The following ERC2 variants were observed in gnomAD, a reference collection of about 807,000 sequenced individuals.
ERC2 encodes ERC protein 2.
Under a neutral mutation model 114.8 loss-of-function variants are expected in ERC2, and 42 were observed. The observed-to-expected ratio is 0.37, with a 90% CI of 0.29 to 0.47. ERC2 has a LOEUF of 0.47. Among genes scored for constraint, ERC2 ranks in the 20% least tolerant of loss-of-function variants. ERC2 has a pLI of 0.99. For synonymous variants in ERC2, 454 were observed against 425.5 expected (o/e 1.07, Z -0.82); for missense variants, 939 against 1,150.7 (o/e 0.82, Z 2.66).
rs909299484 is a variant in ERC2, at chr3:56,212,739, GAT to G, written c.1075-39221_1075-39220del. Among the ~76,000 whole-genome samples the G allele has an allele frequency of 6.8e-5, 10 of 147,900 alleles. No homozygotes were observed. The Admixed American group carries it at 7.0e-4, about 10-fold the overall frequency. On this transcript the variant is annotated intron_variant, in intron 3 of 17. Transcript: ENST00000288221. ...ATCAACAAGTGGATACAGAAAATAT[GAT>G]ATATATATGTGTGTGTGTGTGTGCA...
intron 12 of ERC2, 69 bp from the exon 13 acceptor site, chr3:55,950,629 C>T (rs2067434052): frequency 4.5e-6 from 7 of 1,557,090 alleles, no homozygotes; most frequent in African/African-American, 1.4e-5. Flanking sequence ...CAAATAGATT[C>T]AGGAAGTACT....
At chr3:56,314,792 A>G (rs2056785967) in intron 2 of ERC2, among the ~76,000 whole-genome samples, 1 of 152,200 alleles carries the variant, frequency 6.6e-6, no homozygotes, top group African/African-American at 2.4e-5. Flanking sequence ...TAAGGCCCAA[A>G]GAGGTTGACC....
At chr3:56,354,140 A>G (rs2058656977) in intron 2 of ERC2, among the ~76,000 whole-genome samples, 1 of 152,258 alleles carries the variant, frequency 6.6e-6, no homozygotes, top group African/African-American at 2.4e-5. Flanking sequence ...GCTAAAAGCT[A>G]CTTTGAATCC....
intron 17 of ERC2, among the ~76,000 whole-genome samples, chr3:55,556,153 T>C (rs1279036516): frequency 6.6e-6 from 1 of 152,210 alleles, no homozygotes; most frequent in Non-Finnish European, 1.5e-5. Flanking sequence ...AGGACTCACG[T>C]GACTGCATTT....
chr3:55,881,729 T>C (rs911925557), intron 14 of ERC2, among the ~76,000 whole-genome samples: 6 of 152,222 alleles, frequency 3.9e-5, no homozygotes, highest in Non-Finnish European at 7.3e-5. Flanking sequence ...GCTTATTAGC[T>C]GGCATTAATA....
chr3:55,734,810 C>T lies in ERC2; in HGVS notation c.2673G>A (p.Lys891=), dbSNP rs2065521429. Residue 891 remains lysine, a synonymous_variant, in exon 15 of 18, where the codon AAG becomes AAA. Coordinates refer to ENST00000288221, the MANE Select transcript of ERC2 (RefSeq NM_015576.3). ...GATGTACTAGTCGGTCTTTTTCCCG[C>T]TTGAGGGCCATGACTTCTTCCTGCG... is the stretch of plus-strand genomic sequence containing the variant. ...KKTQEEVMAL[K]REKDRLVHQL... 6.2e-7 allele frequency: 1 copy of T among 1,613,006 alleles called. No individual in the cohort carries two copies. Among genetic ancestry groups the T allele is most frequent in the African/African-American group, 1.3e-5 (1 of 74,840 alleles).
intron 7 of ERC2, among the ~76,000 whole-genome samples, chr3:56,033,994 T>C (rs576872684): frequency 6.6e-6 from 1 of 152,232 alleles, no homozygotes; most frequent in South Asian, 2.1e-4. Flanking sequence ...CCATTTACTT[T>C]AAATGTAAAT....
intron 14 of ERC2, among the ~76,000 whole-genome samples, chr3:55,870,421 C>G (rs1315147025): frequency 6.6e-6 from 1 of 152,140 alleles, no homozygotes; most frequent in East Asian, 1.9e-4. Flanking sequence ...GGAATGAGTT[C>G]CCTCAATGTT....
chr3:55,946,695 T>C (rs1455182798), intron 13 of ERC2, among the ~76,000 whole-genome samples: 1 of 152,084 alleles, frequency 6.6e-6, no homozygotes, highest in African/African-American at 2.4e-5. Context: ...AAGCTAATAA[T>C]AATAAGGGCC....
intron 17 of ERC2, among the ~76,000 whole-genome samples, chr3:55,607,646 A>G (rs976889474): frequency 6.6e-5 from 10 of 150,480 alleles, no homozygotes; most frequent in East Asian, 5.8e-4. Flanking sequence ...AGAAGAGAGA[A>G]AAAAAAAACA....
intron 2 of ERC2, among the ~76,000 whole-genome samples, chr3:56,377,288 C>T (rs2059582572): frequency 6.6e-6 from 1 of 152,132 alleles, no homozygotes; most frequent in South Asian, 2.1e-4. Flanking sequence ...AGAGTATGAT[C>T]CTTTTCCTTG....
intron 17 of ERC2, among the ~76,000 whole-genome samples, chr3:55,679,861 T>C (rs545047886): frequency 2.0e-5 from 3 of 152,310 alleles, no homozygotes; most frequent in African/African-American, 7.2e-5. Flanking sequence ...TAAATTTCTC[T>C]AGTTCCAGGA....
At chr3:55,774,873 C>T (rs1466134415) in intron 14 of ERC2, among the ~76,000 whole-genome samples, 7 of 152,160 alleles carry the variant, frequency 4.6e-5, no homozygotes, top group South Asian at 4.2e-4. Context: ...GAGAATGGCA[C>T]GTTTTACAAG....
At chr3:55,594,806 C>G (rs1388828360) in intron 17 of ERC2, among the ~76,000 whole-genome samples, 1 of 152,136 alleles carries the variant, frequency 6.6e-6, no homozygotes, top group Non-Finnish European at 1.5e-5. Flanking sequence ...ACAGATAACT[C>G]TGCTTCTTCT....
At chr3:56,168,990 C>T (rs888972145) in intron 4 of ERC2, among the ~76,000 whole-genome samples, 6 of 152,180 alleles carry the variant, frequency 3.9e-5, no homozygotes, top group Admixed American at 2.0e-4. Flanking sequence ...AAATGTCACT[C>T]AAGAGGAACA....
At chr3:55,647,995 T>G (rs1435802549) in intron 17 of ERC2, among the ~76,000 whole-genome samples, 3 of 152,156 alleles carry the variant, frequency 2.0e-5, no homozygotes, top group Non-Finnish European at 4.4e-5. Context: ...AATAGGGTAG[T>G]GCCCATTTGT....
At chr3:56,197,876 T>C (rs1232225380) in intron 3 of ERC2, among the ~76,000 whole-genome samples, 5 of 152,238 alleles carry the variant, frequency 3.3e-5, no homozygotes, top group African/African-American at 1.2e-4. Context: ...CACAAGACTT[T>C]ACAGTGATGA....
chr3:56,315,544 CG>C (rs1331397832), intron 2 of ERC2, among the ~76,000 whole-genome samples: 1 of 152,060 alleles, frequency 6.6e-6, no homozygotes, highest in South Asian at 2.1e-4. Context: ...TTCCTTAAAA[CG>C]AAGACTCAGA....
At position 55,983,371 on chromosome 3, in the gene ERC2, C is replaced by T. The variant is rs914413002; in HGVS notation, c.2267+2606G>A. Among the ~76,000 whole-genome samples, 4 of 152,154 alleles carry T rather than the reference C, an allele frequency of 2.6e-5. No homozygotes were observed. In the East Asian group the frequency reaches 7.7e-4, roughly 29 times the overall value. On this transcript the variant is annotated intron_variant, in intron 12 of 17. Coordinates refer to ENST00000288221, the MANE Select transcript of ERC2 (RefSeq NM_015576.3). ...AGTTACTAGAAATATAAAAGTTTCACGTAAACCCTCCCCCGAGTACAATAC... is the reference window on the plus strand; with the variant it reads ...AGTTACTAGAAATATAAAAGTTTCATGTAAACCCTCCCCCGAGTACAATAC...
Sources: gnomAD v4.1 joint callset for allele counts (sites outside exome capture counted in the v4.1 genomes callset) on GRCh38, gnomAD v4.1.1 for gene constraint, MANE v1.5 for transcripts, NCBI Gene and HGNC (gene_info 2026-07-23, HGNC 2026-07-21) for gene names.